The following ABCD3 variants were observed in gnomAD, a reference collection of about 807,000 sequenced individuals.
The protein encoded by ABCD3 is ATP-binding cassette sub-family D member 3.
A neutral mutation model predicts 105.5 loss-of-function variants in ABCD3; 41 were observed. The ratio of observed to expected loss-of-function variants is 0.39; its 90% confidence interval spans 0.30 to 0.50. ABCD3 has a LOEUF of 0.50. Ranked by LOEUF, ABCD3 falls within the 20% of genes least tolerant of loss-of-function variation. The pLI, the probability that ABCD3 is intolerant of heterozygous loss-of-function variation, is 0.84. For missense variants in ABCD3, 622 were observed against 806.3 expected (o/e 0.77, Z 2.77); for synonymous variants, 258 against 269.0 (o/e 0.96, Z 0.40).
At chr1:94,408,579 G>A in the ABCD3 span, among the ~76,000 whole-genome samples, 1 of 152,056 alleles carries the variant, frequency 6.6e-6, no homozygotes, top group South Asian at 2.1e-4. Flanking sequence ...GGGTGACAGA[G>A]CAAGACTCCA....
At chr1:94,454,032 CTATA>C in intron 1 of ABCD3, among the ~76,000 whole-genome samples, 1 of 148,818 alleles carries the variant, frequency 6.7e-6, no homozygotes, top group Middle Eastern at 3.6e-3. Context: ...TGTATGTGGT[CTATA>C]TATATATGTA....
At chr1:94,446,743 G>A (rs575073294) in intron 1 of ABCD3, among the ~76,000 whole-genome samples, 29 of 152,266 alleles carry the variant, frequency 1.9e-4, no homozygotes, top group South Asian at 1.7e-3. Context: ...GGCTGTCTGC[G>A]TGGCCAATTC....
chr1:94,467,316 TC>T (rs1381043619), intron 3 of ABCD3, among the ~76,000 whole-genome samples: 2 of 152,110 alleles, frequency 1.3e-5, no homozygotes, highest in African/African-American at 2.4e-5. Context: ...CCCCAAACCT[TC>T]CCATCCCACA....
intron 5 of ABCD3, 46 bp from the exon 6 acceptor site, chr1:94,475,097 G>C: frequency 8.4e-7 from 1 of 1,189,696 alleles, no homozygotes; most frequent in East Asian, 2.5e-5. Context: ...AGTTTAGTAA[G>C]CAGAAATGAA....
chr1:94,397,214 T>G, the ABCD3 span, among the ~76,000 whole-genome samples: 2 of 152,216 alleles, frequency 1.3e-5, no homozygotes, highest in African/African-American at 4.8e-5. Flanking sequence ...ATGTTACCAT[T>G]GTATCTAAGT....
At chr1:94,397,121 T>C in the ABCD3 span, among the ~76,000 whole-genome samples, 1 of 152,240 alleles carries the variant, frequency 6.6e-6, no homozygotes, top group Non-Finnish European at 1.5e-5. Context: ...CTTGTTATTT[T>C]GAAACAATTT....
At chr1:94,477,246 AAAAAAAAAAG>A in intron 7 of ABCD3, among the ~76,000 whole-genome samples, 1 of 150,338 alleles carries the variant, frequency 6.7e-6, no homozygotes, top group South Asian at 2.1e-4. Context: ...AAAAAAAAAA[AAAAAAAAAAG>A]GAAAGGGAAA....
intron 2 of ABCD3, among the ~76,000 whole-genome samples, chr1:94,461,882 A>T (rs1647887596): frequency 6.6e-6 from 1 of 152,164 alleles, no homozygotes; most frequent in African/African-American, 2.4e-5. Context: ...ACATTTTGAT[A>T]AATGATACAT....
upstream of ABCD3, among the ~76,000 whole-genome samples, chr1:94,417,937 T>G (rs75859542): frequency 2.2e-4 from 33 of 152,214 alleles, no homozygotes; most frequent in East Asian, 5.6e-3. Flanking sequence ...TTTGGTTTCG[T>G]CCTGATAATC....
intron 3 of ABCD3, among the ~76,000 whole-genome samples, chr1:94,465,962 G>T (rs2100977469): frequency 6.6e-6 from 1 of 151,868 alleles, no homozygotes; most frequent in Non-Finnish European, 1.5e-5. Context: ...CAAAAGCATT[G>T]CAGTTCCCAA....
At chr1:94,455,602 G>A (rs1476532952) in intron 1 of ABCD3, 3 of 319,424 alleles carry the variant, frequency 9.4e-6, no homozygotes, top group Non-Finnish European at 1.9e-5. Flanking sequence ...TGGGATTATA[G>A]ATGTAAGCCA....
chr1:94,518,592 C>T lies in ABCD3; in HGVS notation c.*1463C>T, dbSNP rs1651034160. On this transcript the variant is annotated 3_prime_UTR_variant, in exon 23 of 23. Transcript: ENST00000370214. The stretch of plus-strand genomic sequence containing the variant: ...ACTGAGAAGTTCATTTATAATTCAG[C>T]CTTGACTTGAAAACATAGATAGTTT... 1 of 151,260 alleles carries T rather than the reference C, an allele frequency of 6.6e-6. No individual in the cohort carries two copies. 9.4% of individuals were successfully genotyped at this position (151,260 alleles called of 1,614,324 possible). A position where few individuals can be genotyped will look rare whatever the true frequency, so the allele number is the denominator to read the frequency against.
the ABCD3 span, among the ~76,000 whole-genome samples, chr1:94,405,593 C>A: frequency 1.3e-5 from 2 of 152,140 alleles, no homozygotes; most frequent in Non-Finnish European, 1.5e-5. Flanking sequence ...CATGAGACAC[C>A]GCCATTATCA....
chr1:94,455,763 T>C, intron 1 of ABCD3: 2 of 1,074,788 alleles, frequency 1.9e-6, no homozygotes, highest in Non-Finnish European at 1.3e-6. Context: ...GAGAGAAAAG[T>C]GATGAAGTGA....
At position 94,499,182 on chromosome 1, in the gene ABCD3, T is replaced by A. The variant is rs1367025208; in HGVS notation, c.1620+148T>A. 6 of 810,826 alleles carry A rather than the reference T, an allele frequency of 7.4e-6. No individual in the cohort carries two copies. The African/African-American group carries it at 8.6e-5, about 12-fold the overall frequency. The allele number at this position is 810,826 out of a possible 1,614,324, so 50.2% of individuals were successfully genotyped here. A position where few individuals can be genotyped will look rare whatever the true frequency, so the allele number is the denominator to read the frequency against. ...TGTGATTTTCTAAGCTGAGGTAAGA[T>A]GTTAATCCCTTGGCTTAAAAAGAGT... is the stretch of plus-strand genomic sequence containing the variant. On this transcript the variant is annotated intron_variant, in intron 19 of 22. Coordinates refer to ENST00000370214, the MANE Select transcript of ABCD3 (RefSeq NM_002858.4).
intron 10 of ABCD3, among the ~76,000 whole-genome samples, chr1:94,486,223 C>G (rs1649273503): frequency 6.6e-6 from 1 of 152,204 alleles, no homozygotes; most frequent in South Asian, 2.1e-4. Context: ...GGATGTCGTA[C>G]TCAGGTATAT....
chr1:94,422,342 C>T (rs1339559003), intron 1 of ABCD3, among the ~76,000 whole-genome samples: 1 of 152,164 alleles, frequency 6.6e-6, no homozygotes, highest in African/African-American at 2.4e-5. Flanking sequence ...GTAAACTGCA[C>T]ATGTGAGGGA....
In ABCD3 at chr1:94,480,515, C is replaced by T. The variant is rs767729300; in HGVS notation, c.736C>T (p.Arg246Ter). Residue 246 changes from arginine (R) to a stop codon, truncating the protein, a stop_gained, in exon 9 of 23, where the codon CGA becomes TGA. Coordinates refer to ENST00000370214, the MANE Select transcript of ABCD3 (RefSeq NM_002858.4). LOFTEE classifies it high-confidence loss of function. ...YLVVSGLFLT[R>*]LRRPIGKMTI... ...GGTTGTTTCTGGGCTATTCCTAACT[C>T]GACTTCGAAGACCCATTGGTAAGAT... is the stretch of plus-strand genomic sequence containing the variant. The T allele has an allele frequency of 6.2e-7, 1 of 1,613,778 alleles. No individual in the cohort carries two copies. The highest frequency in any genetic ancestry group is 8.5e-7 in the Non-Finnish European group (1 of 1,179,832).
chr1:94,453,071 G>A (rs1216755907), intron 1 of ABCD3, among the ~76,000 whole-genome samples: 2 of 152,096 alleles, frequency 1.3e-5, no homozygotes, highest in East Asian at 3.9e-4. Flanking sequence ...GCCCGCCCAA[G>A]TTTGGGTGTC....
Sources: allele counts gnomAD v4.1 joint callset (sites outside exome capture counted in the v4.1 genomes callset), GRCh38; gene constraint gnomAD v4.1.1; transcripts MANE v1.5; gene names NCBI Gene and HGNC (gene_info 2026-07-23, HGNC 2026-07-21).